The following CCDC9B variants were observed in gnomAD, a reference collection of about 807,000 sequenced individuals.
CCDC9B encodes coiled-coil domain containing 9B.
A neutral mutation model predicts 47.2 loss-of-function variants in CCDC9B; 40 were observed. The ratio of observed to expected loss-of-function variants is 0.85; its 90% confidence interval spans 0.66 to 1.10. The LOEUF is 1.10. CCDC9B is among the 50% of genes least tolerant of loss of function. The probability of loss-of-function intolerance (pLI) is 0.00; values close to 1 mark genes in which losing one functional copy is unlikely to be tolerated. For missense variants in CCDC9B, 662 were observed against 651.0 expected, an observed-to-expected ratio of 1.02 and a Z score of -0.18; for synonymous variants, 238 against 250.7, an observed-to-expected ratio of 0.95 and a Z score of 0.48.
intron 9 of CCDC9B, 43 bp downstream of exon 9, chr15:40,336,531 C>T (rs1888962672): frequency 1.9e-6 from 3 of 1,597,832 alleles, no homozygotes; most frequent in Non-Finnish European, 2.6e-6. Flanking sequence ...GAAATTGGGA[C>T]ACCCACATGC....
rs768329306 is a variant in CCDC9B at position 40,338,845 on chromosome 15, T to C, written c.290A>G (p.Asn97Ser). 13 of 1,614,026 alleles carry C rather than the reference T, an allele frequency of 8.1e-6. No homozygotes were observed. The African/African-American group carries it at 1.7e-4, about 22-fold the overall frequency. ...AGCATCCTCATCCTCAAGCATCTCG[T>C]TGGTCACTCTGGGTCCACAGGTACC... ...ARGTCGPRVT[N>S]EMLEDEDAED... The change falls in exon 4 of 11, where the codon AAC becomes AGC. Residue 97 changes from asparagine to serine, a missense_variant. Coordinates refer to ENST00000397536, the MANE Select transcript of CCDC9B (RefSeq NM_207380.3).
Position 40,335,672 on chromosome 15 carries a change from C to T in CCDC9B, c.959G>A (p.Ser320Asn), listed in dbSNP as rs1437155123. Residue 320 changes from serine to asparagine, a missense_variant, in exon 11 of 11, where the codon AGT becomes AAT. By Grantham distance (46) the Ser-to-Asn change is conservative (BLOSUM62 1). Transcript: ENST00000397536. ...CTGCTTCTGGGCTTGCTCCTCCTCA[C>T]TGGGAGTCTCTCTGGTGCTTTGGCT... ...EGSQSTRETP[S>N]EEEQAQKQSG... 2.6e-6 allele frequency: 4 copies of T among 1,549,458 alleles called. 1 individual carries two copies. The South Asian group carries it at 4.8e-5, about 19-fold the overall frequency.
In CCDC9B at chr15:40,333,604, C is replaced by A. The variant is rs1395045790; in HGVS notation, c.*1554G>T. 4 of 144,306 alleles carry A rather than the reference C, an allele frequency of 2.8e-5. No individual in the cohort carries two copies. Among genetic ancestry groups the A allele is most frequent in the Admixed American group, 2.7e-4 (4 of 14,672 alleles). The allele number at this position is 144,306 out of a possible 1,614,324, so 8.9% of individuals were successfully genotyped here. A position where few individuals can be genotyped will look rare whatever the true frequency, so the allele number is the denominator to read the frequency against. On this transcript the variant is annotated 3_prime_UTR_variant, in exon 11 of 11. Transcript: ENST00000397536. ...AAAAAAAAAAGACGAACTCTCAGGCCCTCCCCAGACCATTAGAATCTGCAT... is the reference window on the plus strand; with the variant it reads ...AAAAAAAAAAGACGAACTCTCAGGCACTCCCCAGACCATTAGAATCTGCAT...
rs891968769 is a variant in CCDC9B, at chr15:40,336,533, C to A, written c.887+41G>T. 3 of 1,600,866 alleles carry A rather than the reference C, an allele frequency of 1.9e-6. No homozygotes were observed. The South Asian group carries it at 3.3e-5, about 18-fold the overall frequency. The stretch of plus-strand genomic sequence containing the variant: ...TGTACTGGTCCAGGAAATTGGGACA[C>A]CCACATGCCCGTCTTGATTTTGTCC... On this transcript the variant is annotated intron_variant, in intron 9 of 10. Transcript: ENST00000397536.
chr15:40,335,592 C>G lies in CCDC9B; in HGVS notation c.1039G>C (p.Ala347Pro). Residue 347 changes from alanine (A) to proline (P), a missense_variant, in exon 11 of 11, where the codon GCA becomes CCA. Transcript: ENST00000397536. Reference protein sequence around the residue: ...GSAPAASPALASPEGPKGESV... With the variant: ...GSAPAASPALPSPEGPKGESV... ...TCCCCCTTCGGCCCCTCTGGGGATG[C>G]CAGGGCTGGGCTGGCTGCAGGGGCG... 6.7e-7 allele frequency: 1 copy of G among 1,500,316 alleles called. No homozygotes were observed. The highest frequency in any genetic ancestry group is 8.9e-7 in the Non-Finnish European group (1 of 1,121,958). 92.9% of individuals were successfully genotyped at this position (1,500,316 alleles called of 1,614,324 possible).
In CCDC9B at chr15:40,332,728, A is replaced by G. The variant is rs971328110; in HGVS notation, c.*2430T>C. On this transcript the variant is annotated 3_prime_UTR_variant, in exon 11 of 11. Coordinates refer to ENST00000397536, the MANE Select transcript of CCDC9B (RefSeq NM_207380.3). ...TTCTTGATCACAATCATTTTTGGAG[A>G]CATCTGCCTGATGTCTCCAAAATCT... 6.6e-6 allele frequency: 1 copy of G among 151,932 alleles called. No individual in the cohort carries two copies. The highest frequency in any genetic ancestry group is 3.2e-3 in the Middle Eastern group (1 of 316). 9.4% of individuals were successfully genotyped at this position (151,932 alleles called of 1,614,324 possible).
At chr15:40,339,651 T>C (rs1889045718) in intron 2 of CCDC9B, 32 bp from the exon 3 acceptor site, 2 of 1,610,424 alleles carry the variant, frequency 1.2e-6, no homozygotes. Context: ...GCACACGCCA[T>C]GGCCCCCCAG....
rs1889059981 is a variant in CCDC9B at position 40,340,205 on chromosome 15, C to T, written c.13-190G>A. On this transcript the variant is annotated intron_variant, in intron 1 of 10. Transcript: ENST00000397536. ...CCCCATTCCAGCTAGGCCCGTCTGC[C>T]TGTCCCTGCCTCCTCAGGGGGCTCA... 3 of 594,706 alleles carry T rather than the reference C, an allele frequency of 5.0e-6. No individual in the cohort carries two copies. The South Asian group carries it at 6.0e-5, about 12-fold the overall frequency. 36.8% of individuals were successfully genotyped at this position (594,706 alleles called of 1,614,324 possible). A position where few individuals can be genotyped will look rare whatever the true frequency, so the allele number is the denominator to read the frequency against.
chr15:40,337,514 C>G, intron 6 of CCDC9B, 68 bp from the exon 7 acceptor site: 4 of 1,386,252 alleles, frequency 2.9e-6, no homozygotes, highest in East Asian at 4.6e-5. Context: ...CTGACACCCC[C>G]CTCCCCGAAG....
At position 40,336,987 on chromosome 15, in the gene CCDC9B, C is replaced by CAG. The variant is rs544652509; in HGVS notation, c.743-175_743-174insCT. 197 of 619,592 alleles carry CAG rather than the reference C, an allele frequency of 3.2e-4. 3 individuals are homozygous for CAG. In the South Asian group the frequency reaches 3.8e-3, roughly 12 times the overall value. 38.4% of individuals were successfully genotyped at this position (619,592 alleles called of 1,614,324 possible). On this transcript the variant is annotated intron_variant, in intron 7 of 10. Transcript: ENST00000397536. ...GAATAGGGTCCTGTGCTAGCTTTGC[C>CAG]ACTCCATGGCTAGGTGTCTGGCCCC...
chr15:40,339,036 C>T (rs1474066306), intron 3 of CCDC9B, 133 bp from the exon 4 acceptor site: 4 of 1,014,398 alleles, frequency 3.9e-6, no homozygotes, highest in Non-Finnish European at 4.6e-6. Flanking sequence ...AGCTGACTCC[C>T]ACAGGGTGTT....
In CCDC9B at chr15:40,337,751, G is replaced by C; in HGVS notation, c.656C>G (p.Pro219Arg). ...HRDAQGDWRR[P>R]WDLDKAKSTL... Reference sequence around the variant, plus strand: ...GGACTTGGCCTTGTCCAGGTCCCACGGGCGGCGCCAGTCACCCTGTGCGTC... The same window carrying C: ...GGACTTGGCCTTGTCCAGGTCCCACCGGCGGCGCCAGTCACCCTGTGCGTC... Residue 219 changes from proline (P) to arginine (R), a missense_variant, in exon 6 of 11, where the codon CCG becomes CGG. Transcript: ENST00000397536. The C allele has an allele frequency of 1.2e-6, 2 of 1,606,320 alleles. No individual in the cohort carries two copies. The highest frequency in any genetic ancestry group is 1.7e-6 in the Non-Finnish European group (2 of 1,178,580).
chr15:40,336,733 C>T, intron 8 of CCDC9B, 27 bp downstream of exon 8: 2 of 1,600,562 alleles, frequency 1.2e-6, no homozygotes, highest in South Asian at 1.1e-5. Flanking sequence ...GCTGACGAGA[C>T]CTGGCCCCTC....
In CCDC9B at chr15:40,335,787, C is replaced by A; in HGVS notation, c.927G>T (p.Gln309His). 3 of 1,611,456 alleles carry A rather than the reference C, an allele frequency of 1.9e-6. No individual in the cohort carries two copies. Among genetic ancestry groups the A allele is most frequent in the Non-Finnish European group, 2.5e-6 (3 of 1,178,826 alleles). ...CATCCTATACCCAAGTACCTACCTC[C>A]TGACCTTCCAGCTCCTCCTTGTCTT... ...MKEDKEELEG[Q>H]EGSQSTRETP... Residue 309 changes from glutamine (Q) to histidine (H), a missense_variant, in exon 10 of 11, where the codon CAG becomes CAT. By Grantham distance (24) the Gln-to-His change is conservative. Transcript: ENST00000397536.
At chr15:40,336,687 G>A (rs759287482) in intron 8 of CCDC9B, 23 bp from the exon 9 acceptor site, 2 of 1,609,264 alleles carry the variant, frequency 1.2e-6, no homozygotes, top group Non-Finnish European at 1.7e-6. Context: ...GTCGGCCAAG[G>A]AGAGAAGAGG....
intron 9 of CCDC9B, chr15:40,336,337 G>A (rs908388541): frequency 1.0e-6 from 1 of 985,296 alleles, no homozygotes; most frequent in African/African-American, 1.7e-5. Flanking sequence ...CCTGGGAAAG[G>A]CATACCTCAT....
chr15:40,336,667 G>A lies in CCDC9B; in HGVS notation c.797-3C>T. The stretch of plus-strand genomic sequence containing the variant: ...TCTGCTGGCTTGCCCGCCCCGACCT[G>A]CAAGAGATGGTCGGCCAAGGAGAGA... On this transcript the variant is annotated splice_polypyrimidine_tract_variant and splice_region_variant and intron_variant, in intron 8 of 10. Coordinates refer to ENST00000397536, the MANE Select transcript of CCDC9B (RefSeq NM_207380.3). The A allele has an allele frequency of 6.2e-7, 1 of 1,611,344 alleles. No individual in the cohort carries two copies. Among genetic ancestry groups the A allele is most frequent in the Non-Finnish European group, 8.5e-7 (1 of 1,178,088 alleles).
rs1301379238 is a variant in CCDC9B at position 40,335,793 on chromosome 15, T to C, written c.921A>G (p.Glu307=). The C allele has an allele frequency of 1.1e-5, 18 of 1,611,496 alleles. No homozygotes were observed. The highest frequency in any genetic ancestry group is 1.4e-5 in the Non-Finnish European group (17 of 1,178,898). The change falls in exon 10 of 11, where the codon GAA becomes GAG. Residue 307 remains glutamate, a synonymous_variant. Coordinates refer to ENST00000397536, the MANE Select transcript of CCDC9B (RefSeq NM_207380.3). ...ATACCCAAGTACCTACCTCCTGACC[T>C]TCCAGCTCCTCCTTGTCTTCCTTCA... ...WDMKEDKEEL[E]GQEGSQSTRE... is the part of the protein sequence containing the mutation.
At chr15:40,339,749 A>G in intron 2 of CCDC9B, 130 bp from the exon 3 acceptor site, 1 of 1,481,030 alleles carries the variant, frequency 6.8e-7, no homozygotes, top group Non-Finnish European at 9.1e-7. Context: ...ACACATCCCC[A>G]GGACCCTCAC....
Sources: gnomAD v4.1 joint callset for allele counts on GRCh38, gnomAD v4.1.1 for gene constraint, MANE v1.5 for transcripts, NCBI Gene and HGNC (gene_info 2026-07-23, HGNC 2026-07-21) for gene names.